NR5A2: variants seen among roughly 807,000 people sequenced by gnomAD.
NR5A2 encodes CYP7A promoter-binding factor.
NR5A2 carries 26 observed loss-of-function variants against 62.7 expected under a neutral mutation model. That is an observed-to-expected ratio of 0.41 (90% CI 0.30 to 0.58). NR5A2 has a LOEUF of 0.58. Among genes scored for constraint, NR5A2 ranks in the 20% least tolerant of loss-of-function variants. NR5A2 has a pLI of 0.22. For synonymous variants in NR5A2, 246 were observed against 241.7 expected (o/e 1.02, Z -0.16); for missense variants, 541 against 669.1 (o/e 0.81, Z 2.11).
Position 200,062,562 on chromosome 1 carries a change from G to A in NR5A2, c.1110+13744G>A, listed in dbSNP as rs3790838. On this transcript the variant is annotated intron_variant, in intron 5 of 7. Transcript: ENST00000367362. ...GATTAGTGTTTGTGCAGAAGTGTTG[G>A]CAACAGAATTCTTCAAAAGTTTTCC... 0.017 allele frequency among the ~76,000 whole-genome samples: 2,633 copies of A among 152,234 alleles called. 115 individuals carry two copies. In the East Asian group the frequency reaches 0.18, roughly 11 times the overall value.
Position 200,176,128 on chromosome 1 carries a change from A to T in NR5A2, c.*1918A>T, listed in dbSNP as rs1420566018. ...GATTAAATGTCTGTAAATCTTCATC[A>T]TTCCTACTGTAGTTTATTTAATATC... is the stretch of plus-strand genomic sequence containing the variant. On this transcript the variant is annotated 3_prime_UTR_variant, in exon 8 of 8. Transcript: ENST00000367362. 1 of 152,638 alleles carries T rather than the reference A, an allele frequency of 6.6e-6. No homozygotes were observed. Among genetic ancestry groups the T allele is most frequent in the African/African-American group, 2.4e-5 (1 of 41,462 alleles). The allele number at this position is 152,638 out of a possible 1,614,324, so 9.5% of individuals were successfully genotyped here.
At chr1:200,084,190 T>C (rs1319756383) in intron 5 of NR5A2, among the ~76,000 whole-genome samples, 1 of 152,086 alleles carries the variant, frequency 6.6e-6, no homozygotes, top group African/African-American at 2.4e-5. Flanking sequence ...TTTTAGTGAC[T>C]AAGAGCATTT....
At chr1:200,085,429 T>G (rs1664477844) in intron 5 of NR5A2, among the ~76,000 whole-genome samples, 1 of 152,184 alleles carries the variant, frequency 6.6e-6, no homozygotes, top group South Asian at 2.1e-4. Context: ...AGCCTCCTGA[T>G]GTGGAAATTA....
intron 1 of NR5A2, among the ~76,000 whole-genome samples, chr1:200,032,916 G>T (rs1477532937): frequency 1.3e-5 from 2 of 152,108 alleles, no homozygotes; most frequent in Non-Finnish European, 2.9e-5. Context: ...ATACAATGTT[G>T]GTCTATGCAG....
At chr1:200,042,291 C>G (rs1181345570) in intron 2 of NR5A2, among the ~76,000 whole-genome samples, 1 of 152,186 alleles carries the variant, frequency 6.6e-6, no homozygotes, top group Non-Finnish European at 1.5e-5. Context: ...GACGCGTCAA[C>G]TCCGCGGGTC....
At chr1:200,067,133 T>A (rs1388831083) in intron 5 of NR5A2, among the ~76,000 whole-genome samples, 1 of 152,200 alleles carries the variant, frequency 6.6e-6, no homozygotes, top group South Asian at 2.1e-4. Context: ...CTAAGACTGA[T>A]CACCTATCTA....
chr1:200,159,873 G>A (rs1173653411), intron 7 of NR5A2, among the ~76,000 whole-genome samples: 2 of 152,106 alleles, frequency 1.3e-5, no homozygotes, highest in East Asian at 1.9e-4. Context: ...AGCTGGTCTC[G>A]AACTCCTGAC....
intron 7 of NR5A2, among the ~76,000 whole-genome samples, chr1:200,156,492 G>A (rs1024713271): frequency 2.6e-5 from 4 of 152,138 alleles, no homozygotes; most frequent in Admixed American, 2.6e-4. Flanking sequence ...CTGCCTCCCG[G>A]GTTCAAGCAA....
At position 200,116,407 on chromosome 1, in the gene NR5A2, C is replaced by T. The variant is rs78955261; in HGVS notation, c.1231-4401C>T. On this transcript the variant is annotated intron_variant, in intron 6 of 7. Coordinates refer to ENST00000367362, the MANE Select transcript of NR5A2 (RefSeq NM_205860.3). ...ATGAGTGACTATCCAGGAAATTGCT[C>T]CTTGGAGCTTGAAAAGAGAAGAAAT... Among the ~76,000 whole-genome samples the T allele has an allele frequency of 5.1e-3, 772 of 152,284 alleles. 11 individuals are homozygous for T. The highest frequency in any genetic ancestry group is 0.018 in the African/African-American group (736 of 41,554).
At chr1:200,084,211 A>T (rs1010699816) in intron 5 of NR5A2, among the ~76,000 whole-genome samples, 2 of 152,030 alleles carry the variant, frequency 1.3e-5, no homozygotes, top group Admixed American at 6.6e-5. Flanking sequence ...ATTTAAGACA[A>T]TTGCACTCAT....
rs781275259 is a variant in NR5A2 at position 200,039,838 on chromosome 1, C to T, written c.202+43C>T. ...GGCGCTCCGGCTCCCGCTGCTTCCC[C>T]ACCCCCGGGCTCGCCCTGCAGGCTT... is the stretch of plus-strand genomic sequence containing the variant. On this transcript the variant is annotated intron_variant, in intron 2 of 7. Coordinates refer to ENST00000367362, the MANE Select transcript of NR5A2 (RefSeq NM_205860.3). This position sits in a 1 kb window ranked among gnomAD's most constrained non-coding sequence, Gnocchi z 5.1. 2 of 1,572,536 alleles carry T rather than the reference C, an allele frequency of 1.3e-6. No homozygotes were observed. The highest frequency in any genetic ancestry group is 1.7e-6 in the Non-Finnish European group (2 of 1,162,706).
intron 6 of NR5A2, among the ~76,000 whole-genome samples, chr1:200,116,552 C>A (rs1345130459): frequency 6.6e-6 from 1 of 152,144 alleles, no homozygotes; most frequent in Non-Finnish European, 1.5e-5. Flanking sequence ...CAAAATAGCC[C>A]CACTGCAAAG....
At chr1:200,169,959 C>A (rs1235619732) in intron 7 of NR5A2, among the ~76,000 whole-genome samples, 16 of 152,150 alleles carry the variant, frequency 1.1e-4, no homozygotes, top group Admixed American at 1.0e-3. Context: ...ATCTCATATC[C>A]ATCTCTTTTC....
chr1:200,034,987 C>G (rs1661708871), intron 1 of NR5A2, among the ~76,000 whole-genome samples: 1 of 151,896 alleles, frequency 6.6e-6, no homozygotes, highest in Non-Finnish European at 1.5e-5. Context: ...TAGCCCAGCC[C>G]TCTGAGCCAG....
intron 7 of NR5A2, chr1:200,148,173 T>G: frequency 2.8e-6 from 1 of 355,284 alleles, no homozygotes. Flanking sequence ...CAGATTGTAG[T>G]GGACGCTTCT....
At chr1:200,086,696 C>A (rs2102244345) in intron 5 of NR5A2, among the ~76,000 whole-genome samples, 1 of 152,302 alleles carries the variant, frequency 6.6e-6, no homozygotes, top group East Asian at 1.9e-4. Context: ...AGAGTAAAAT[C>A]TCAACAAATG....
rs1227538575 is a variant in NR5A2, at chr1:200,039,058, G to A, written c.65-600G>A. Among the ~76,000 whole-genome samples, 1 of 151,936 alleles carries A rather than the reference G, an allele frequency of 6.6e-6. No individual in the cohort carries two copies. Among genetic ancestry groups the A allele is most frequent in the Non-Finnish European group, 1.5e-5 (1 of 67,972 alleles). On this transcript the variant is annotated intron_variant, in intron 1 of 7. Coordinates refer to ENST00000367362, the MANE Select transcript of NR5A2 (RefSeq NM_205860.3). This position sits in a 1 kb window ranked among gnomAD's most constrained non-coding sequence, Gnocchi z 5.1. Reference sequence around the variant, plus strand: ...GTCACCCTCGGGGCTGGGAAGGGCCGTTCTCGGTCCCGCGCGGGGAGTGGA... The same window carrying A: ...GTCACCCTCGGGGCTGGGAAGGGCCATTCTCGGTCCCGCGCGGGGAGTGGA...
At chr1:200,063,554 T>C (rs1663328640) in intron 5 of NR5A2, among the ~76,000 whole-genome samples, 1 of 152,170 alleles carries the variant, frequency 6.6e-6, no homozygotes, top group Non-Finnish European at 1.5e-5. Context: ...CTTTTATGAG[T>C]TTATCAATGA....
chr1:200,039,887 CG>C lies in NR5A2; in HGVS notation c.202+95del, dbSNP rs533710450. On this transcript the variant is annotated intron_variant, in intron 2 of 7. Coordinates refer to ENST00000367362, the MANE Select transcript of NR5A2 (RefSeq NM_205860.3). This position sits in a 1 kb window ranked among gnomAD's most constrained non-coding sequence, Gnocchi z 5.1. ...TTCAGCCTCCCGCCCCGCGCGGGCG[CG>C]GGAGTAGCCCCGCTGGGCGCTCGCA... is the stretch of plus-strand genomic sequence containing the variant. The C allele has an allele frequency of 2.3e-4, 322 of 1,417,774 alleles. No homozygotes were observed. In the African/African-American group the frequency reaches 3.5e-3, roughly 15 times the overall value. 87.8% of individuals were successfully genotyped at this position (1,417,774 alleles called of 1,614,324 possible).
Sources: allele counts gnomAD v4.1 joint callset (sites outside exome capture counted in the v4.1 genomes callset), GRCh38; gene constraint gnomAD v4.1.1; non-coding constraint Gnocchi (gnomAD v3.1); transcripts MANE v1.5; gene names NCBI Gene and HGNC (gene_info 2026-07-23, HGNC 2026-07-21).